The following MAGED1 variants were observed in gnomAD, a reference collection of about 807,000 sequenced individuals.
The protein encoded by MAGED1 is MAGE family member D1, also known as melanoma-associated antigen D1.
Under a neutral mutation model 54.1 loss-of-function variants are expected in MAGED1, and 3 were observed. That is an observed-to-expected ratio of 0.06 (90% CI 0.03 to 0.14). The LOEUF (loss-of-function observed/expected upper bound fraction) is 0.14, where lower values mean the gene tolerates loss of function less well. MAGED1 is among the 10% of genes least tolerant of loss of function. The pLI, the probability that MAGED1 is intolerant of heterozygous loss-of-function variation, is 1.00. For missense variants in MAGED1, 485 were observed against 623.4 expected (o/e 0.78, Z 2.36); for synonymous variants, 217 against 227.3 (o/e 0.95, Z 0.41).
rs534240652 is a variant in MAGED1 at position 51,825,490 on chromosome X, G to A, written c.-37+22373G>A. 5.3e-5 allele frequency among the ~76,000 whole-genome samples: 6 copies of A among 112,368 alleles called. No individual in the cohort carries two copies. The Admixed American group carries it at 5.6e-4, about 11-fold the overall frequency. On this transcript the variant is annotated intron_variant, in intron 1 of 12. Coordinates refer to the MAGED1 transcript ENST00000375772. ...AGAGGAGAAGGGCTGAAGAAGCAAA[G>A]AACAAAGTGTATTTATTGTATGTGT...
intron 1 of MAGED1, among the ~76,000 whole-genome samples, chrX:51,811,450 C>T (rs190213224): frequency 8.9e-6 from 1 of 111,802 alleles, no homozygotes; most frequent in Non-Finnish European, 1.9e-5. Context: ...TGTGGTTTAC[C>T]GGAGTGCTAT....
At chrX:51,873,234 A>T (rs1217966729) in intron 1 of MAGED1, among the ~76,000 whole-genome samples, 1 of 109,623 alleles carries the variant, frequency 9.1e-6, no homozygotes, top group Non-Finnish European at 1.9e-5. Flanking sequence ...ATCAGATCTC[A>T]TGAGCACTCA....
intron 1 of MAGED1, among the ~76,000 whole-genome samples, chrX:51,806,732 T>G (rs1395786410): frequency 1.8e-5 from 2 of 111,477 alleles, no homozygotes; most frequent in Non-Finnish European, 3.8e-5. Context: ...AAGATTAATT[T>G]TAGTAAATAC....
intron 1 of MAGED1, among the ~76,000 whole-genome samples, chrX:51,803,534 C>G (rs1478881927): frequency 9.2e-6 from 1 of 108,557 alleles, no homozygotes; most frequent in African/African-American, 3.4e-5. Flanking sequence ...CTGTTTTACT[C>G]CCCCTGCTGG....
chrX:51,836,358 G>A (rs1557357920), intron 1 of MAGED1, among the ~76,000 whole-genome samples: 1 of 110,858 alleles, frequency 9.0e-6, no homozygotes, highest in African/African-American at 3.3e-5. Flanking sequence ...AAAACTACAT[G>A]GAAACAGTTT....
intron 1 of MAGED1, among the ~76,000 whole-genome samples, chrX:51,881,731 C>G (rs5951089): frequency 9.0e-6 from 1 of 111,514 alleles, no homozygotes; most frequent in Non-Finnish European, 1.9e-5. Flanking sequence ...CTTGCTTTTT[C>G]TACTTCAACT....
At chrX:51,810,017 A>G (rs1162595594) in intron 1 of MAGED1, among the ~76,000 whole-genome samples, 2 of 111,466 alleles carry the variant, frequency 1.8e-5, no homozygotes, top group African/African-American at 6.5e-5. Context: ...TTTCTTAGCA[A>G]CCGCCACTGT....
chrX:51,875,944 C>G (rs892179515), intron 1 of MAGED1, among the ~76,000 whole-genome samples: 19 of 111,536 alleles, frequency 1.7e-4, no homozygotes, highest in African/African-American at 6.2e-4. Flanking sequence ...AGGGGGCTTC[C>G]AAGACTATAG....
chrX:51,901,828 A>G lies in MAGED1; in HGVS notation c.2235A>G (p.Arg745=). The G allele has an allele frequency of 8.3e-7, 1 of 1,211,398 alleles. No individual in the cohort carries two copies. The highest frequency in any genetic ancestry group is 1.1e-6 in the Non-Finnish European group (1 of 895,492). The change falls in exon 12 of 13, where the codon AGA becomes AGG. Residue 745 remains arginine (R), a synonymous_variant. Coordinates refer to ENST00000326587, the MANE Select transcript of MAGED1 (RefSeq NM_006986.4). The part of the protein sequence containing the change: ...WARYHQNARS[R]FPQTFAGPII... ...GATACCACCAGAATGCCCGCTCCAG[A>G]TTCCCTCAGACCTTTGCCGGTCCCA...
rs568832373 is a variant in MAGED1, at chrX:51,812,285, C to T, written c.-37+9168C>T. ...TGGTCATTTAGACGATGTAAAGTAG[C>T]TGACTGGATATGCCATTTAGCCTTG... On this transcript the variant is annotated intron_variant, in intron 1 of 12. Coordinates refer to the MAGED1 transcript ENST00000375772. Among the ~76,000 whole-genome samples, 50 of 111,944 alleles carry T rather than the reference C, an allele frequency of 4.5e-4. No homozygotes were observed. In the South Asian group the frequency reaches 0.018, roughly 41 times the overall value.
In MAGED1 at chrX:51,899,965, T is replaced by C. The variant is rs1038065589; in HGVS notation, c.1845-217T>C. ...GGAAATGTTGTCCTTTCTGTGACCCTATACAAGCCTCGCCTGCATCTCTAG... is the reference window on the plus strand; with the variant it reads ...GGAAATGTTGTCCTTTCTGTGACCCCATACAAGCCTCGCCTGCATCTCTAG... On this transcript the variant is annotated intron_variant, in intron 10 of 12. Transcript: ENST00000326587. 29 of 358,826 alleles carry C rather than the reference T, an allele frequency of 8.1e-5. No homozygotes were observed. The East Asian group carries it at 1.5e-3, about 18-fold the overall frequency. The allele number at this position is 358,826 out of a possible 1,213,427, so 29.6% of individuals were successfully genotyped here.
At chrX:51,829,646 G>A (rs1388891032) in intron 1 of MAGED1, among the ~76,000 whole-genome samples, 5 of 110,907 alleles carry the variant, frequency 4.5e-5, no homozygotes, top group African/African-American at 1.6e-4. Flanking sequence ...CGAAAAATGG[G>A]CAAAGTTATG....
chrX:51,884,367 A>T (rs1928168764), intron 1 of MAGED1, among the ~76,000 whole-genome samples: 1 of 112,079 alleles, frequency 8.9e-6, no homozygotes, highest in African/African-American at 3.2e-5. Flanking sequence ...CTGCAAGAAA[A>T]GACTCATTAA....
Position 51,901,820 on chromosome X carries a change from C to G in MAGED1, c.2227C>G (p.Arg743Gly). 1 of 1,211,407 alleles carries G rather than the reference C, an allele frequency of 8.3e-7. No individual in the cohort carries two copies. Among genetic ancestry groups the G allele is most frequent in the Non-Finnish European group, 1.1e-6 (1 of 895,428 alleles). The change falls in exon 12 of 13, where the codon CGC (arginine) becomes GGC (glycine). Residue 743 changes from arginine (R) to glycine (G), a missense_variant. This residue lies in a region of MAGED1 where 186 missense variants were observed against 330.3 expected (regional missense o/e 0.56). Coordinates refer to ENST00000326587, the MANE Select transcript of MAGED1 (RefSeq NM_006986.4). ...TFWARYHQNARSRFPQTFAGP... is the reference protein window; with the variant it reads ...TFWARYHQNAGSRFPQTFAGP... ...CTGGGCCAGATACCACCAGAATGCC[C>G]GCTCCAGATTCCCTCAGACCTTTGC...
At chrX:51,855,616 A>G (rs1557360129) in intron 1 of MAGED1, among the ~76,000 whole-genome samples, 2 of 109,461 alleles carry the variant, frequency 1.8e-5, no homozygotes, top group African/African-American at 6.7e-5. Context: ...TCTTCTTTTT[A>G]TTTTATTTTT....
intron 1 of MAGED1, among the ~76,000 whole-genome samples, chrX:51,829,603 A>G (rs1277527808): frequency 9.0e-6 from 1 of 111,119 alleles, no homozygotes; most frequent in Admixed American, 9.7e-5. Flanking sequence ...ATGTATAAAG[A>G]ATGCCTATAA....
chrX:51,844,216 T>G (rs1463026262), intron 1 of MAGED1, among the ~76,000 whole-genome samples: 1 of 111,749 alleles, frequency 8.9e-6, no homozygotes, highest in African/African-American at 3.3e-5. Flanking sequence ...CCCCTAAAGA[T>G]GTTCACATTC....
rs373026481 is a variant in MAGED1, at chrX:51,898,214, C to T, written c.1738+21C>T. ...TGAGGGTGAGTGGCTGGACCTGCAG[C>T]TGGGGGTTGGCCACAGCCTGATTTC... On this transcript the variant is annotated intron_variant, in intron 8 of 12. Coordinates refer to ENST00000326587, the MANE Select transcript of MAGED1 (RefSeq NM_006986.4). 58 of 1,206,502 alleles carry T rather than the reference C, an allele frequency of 4.8e-5. No individual in the cohort carries two copies. In the African/African-American group the frequency reaches 8.9e-4, roughly 19 times the overall value.
chrX:51,844,297 C>T (rs1557359040), intron 1 of MAGED1, among the ~76,000 whole-genome samples: 1 of 112,052 alleles, frequency 8.9e-6, no homozygotes, highest in Non-Finnish European at 1.9e-5. Context: ...ATGTGGCTTA[C>T]AGTTTTGTAG....
Sources: gnomAD v4.1 joint callset for allele counts (sites outside exome capture counted in the v4.1 genomes callset) on GRCh38, gnomAD v4.1.1 for gene constraint, gnomAD v4.1.1 regional missense constraint, MANE v1.5 for transcripts, NCBI Gene and HGNC (gene_info 2026-07-23, HGNC 2026-07-21) for gene names.